Variants in BICDL1 observed in about 807,000 individuals in gnomAD.
BICDL1 encodes the protein BICD family like cargo adaptor 1.
Under a neutral mutation model 76.8 loss-of-function variants are expected in BICDL1, and 20 were observed. That is an observed-to-expected ratio of 0.26 (90% CI 0.18 to 0.38). The LOEUF (loss-of-function observed/expected upper bound fraction) is 0.38. Ranked by LOEUF, BICDL1 falls within the 10% of genes least tolerant of loss-of-function variation. The probability of loss-of-function intolerance (pLI) is 1.00; values close to 1 mark genes in which losing one functional copy is unlikely to be tolerated. For missense variants in BICDL1, 700 were observed against 798.6 expected (o/e 0.88, Z 1.49); for synonymous variants, 383 against 337.1 (o/e 1.14, Z -1.49).
chr12:119,990,864 T>C (rs187904525), intron 1 of BICDL1, among the ~76,000 whole-genome samples: 8 of 152,348 alleles, frequency 5.3e-5, no homozygotes, highest in Admixed American at 5.2e-4. Flanking sequence ...GGGCTCAACA[T>C]GTGACCGCTG....
chr12:120,005,014 G>A (rs138373608), intron 2 of BICDL1, among the ~76,000 whole-genome samples: 1 of 152,112 alleles, frequency 6.6e-6, no homozygotes, highest in Non-Finnish European at 1.5e-5. Context: ...GTAGAAGCGG[G>A]ATTTCACCAT....
chr12:120,060,692 A>G (rs1246674499), intron 2 of BICDL1, among the ~76,000 whole-genome samples: 1 of 152,230 alleles, frequency 6.6e-6, no homozygotes, highest in African/African-American at 2.4e-5. Context: ...CCAGTGAGGT[A>G]ACATTTGTTG....
intron 2 of BICDL1, among the ~76,000 whole-genome samples, chr12:120,056,870 G>A (rs1440228432): frequency 6.6e-6 from 1 of 152,240 alleles, no homozygotes; most frequent in Non-Finnish European, 1.5e-5. Context: ...CAGTGAGTGA[G>A]CAGTCTGTGG....
intron 2 of BICDL1, among the ~76,000 whole-genome samples, chr12:120,002,744 G>A (rs901096049): frequency 6.6e-6 from 1 of 152,218 alleles, no homozygotes; most frequent in African/African-American, 2.4e-5. Flanking sequence ...TATGAAGCTA[G>A]TAGGAGAAGA....
chr12:120,021,110 CT>C (rs1952170286), intron 2 of BICDL1, among the ~76,000 whole-genome samples: 2 of 152,204 alleles, frequency 1.3e-5, no homozygotes, highest in East Asian at 3.9e-4. Context: ...TGGCAAAACC[CT>C]GTCTCTACTA....
intron 2 of BICDL1, among the ~76,000 whole-genome samples, chr12:120,050,955 A>G (rs553229918): frequency 6.6e-6 from 1 of 151,172 alleles, no homozygotes; most frequent in African/African-American, 2.4e-5. Flanking sequence ...TTAAGTTATT[A>G]TTTTGTATTT....
chr12:120,035,039 A>G (rs1952504932), intron 2 of BICDL1, among the ~76,000 whole-genome samples: 1 of 152,190 alleles, frequency 6.6e-6, no homozygotes, highest in Admixed American at 6.5e-5. Flanking sequence ...GCTCCAGAGT[A>G]AGAATAAAAG....
rs1439749073 is a variant in BICDL1 at position 120,094,253 on chromosome 12, C to T, written c.*1092C>T. On this transcript the variant is annotated 3_prime_UTR_variant, in exon 10 of 10. Coordinates refer to ENST00000548673, the MANE Select transcript of BICDL1 (RefSeq NM_001367886.1). ...CGGCCAGCCCTCAGCTGCTCACAAC[C>T]GATTCAGTCTCCCTCCCTCCCTCAC... The T allele has an allele frequency of 4.4e-6, 2 of 456,766 alleles. No homozygotes were observed. The highest frequency in any genetic ancestry group is 6.9e-5 in the East Asian group (1 of 14,396). 28.3% of individuals were successfully genotyped at this position (456,766 alleles called of 1,614,324 possible).
rs756408889 is a variant in BICDL1, at chr12:119,990,179, G to A, written c.311G>A (p.Arg104Gln). ...SQDPELLSVI[R>Q]QKEKDLVLAA... ...GACCCCGAGCTGCTGTCGGTGATCC[G>A]ACAGAAGGAGAAGGATCTGGTGTTG... The change falls in exon 1 of 10, where the codon CGA becomes CAA. Residue 104 changes from arginine to glutamine, a missense_variant. Arg to Gln is a conservative substitution (Grantham distance 43). Transcript: ENST00000548673. 148 of 1,555,216 alleles carry A rather than the reference G, an allele frequency of 9.5e-5. 1 individual carries two copies. In the South Asian group the frequency reaches 1.5e-3, roughly 16 times the overall value.
At chr12:120,092,253 A>G (rs920831944) in intron 9 of BICDL1, 1 of 985,418 alleles carries the variant, frequency 1.0e-6, no homozygotes, top group Non-Finnish European at 1.2e-6. Context: ...TCTGTAAAAC[A>G]TGGTGGGGCG....
chr12:120,002,801 C>T (rs961129985), intron 2 of BICDL1, among the ~76,000 whole-genome samples: 4 of 152,108 alleles, frequency 2.6e-5, no homozygotes, highest in African/African-American at 9.7e-5. Context: ...GCAGTAGGTA[C>T]TATGAAGGGT....
intron 8 of BICDL1, among the ~76,000 whole-genome samples, chr12:120,081,333 A>G (rs1169381669): frequency 1.4e-5 from 2 of 146,080 alleles, no homozygotes; most frequent in Admixed American, 6.8e-5. Context: ...TTGCACTTGT[A>G]TCTTAAAGAG....
rs116895613 is a variant in BICDL1, at chr12:120,005,253, G to A, written c.645+6517G>A. 4.3e-3 allele frequency among the ~76,000 whole-genome samples: 662 copies of A among 152,222 alleles called. 5 individuals carry two copies. The highest frequency in any genetic ancestry group is 6.1e-3 in the Non-Finnish European group (417 of 68,012). ...AAATGTTCAGTGAAAATCTCCCATGGTCCTCTTCCAAAGAAAATACTAGCC... is the reference window on the plus strand; with the variant it reads ...AAATGTTCAGTGAAAATCTCCCATGATCCTCTTCCAAAGAAAATACTAGCC... On this transcript the variant is annotated intron_variant, in intron 2 of 9. Coordinates refer to ENST00000548673, the MANE Select transcript of BICDL1 (RefSeq NM_001367886.1).
At chr12:119,998,207 C>T (rs1438193129) in intron 1 of BICDL1, among the ~76,000 whole-genome samples, 1 of 152,160 alleles carries the variant, frequency 6.6e-6, no homozygotes, top group African/African-American at 2.4e-5. Context: ...ATGTATAGTT[C>T]ACCAATTGAT....
At chr12:120,091,844 ACTT>A in intron 9 of BICDL1, 1 of 985,372 alleles carries the variant, frequency 1.0e-6, no homozygotes, top group South Asian at 4.7e-5. Context: ...AGCCAGCCCA[ACTT>A]CATGCCCTCA....
intron 2 of BICDL1, among the ~76,000 whole-genome samples, chr12:120,046,914 G>A (rs1032574350): frequency 9.2e-5 from 14 of 152,208 alleles, no homozygotes; most frequent in Admixed American, 3.3e-4. Flanking sequence ...GTAACCAGCA[G>A]TAGGGATCTG....
Position 119,989,717 on chromosome 12 carries a change from G to T in BICDL1, c.-152G>T, listed in dbSNP as rs1951470799. 3 of 162,832 alleles carry T rather than the reference G, an allele frequency of 1.8e-5. No homozygotes were observed. Among genetic ancestry groups the T allele is most frequent in the Non-Finnish European group, 3.7e-5 (3 of 81,618 alleles). 10.1% of individuals were successfully genotyped at this position (162,832 alleles called of 1,614,324 possible). A position where few individuals can be genotyped will look rare whatever the true frequency, so the allele number is the denominator to read the frequency against. On this transcript the variant is annotated 5_prime_UTR_variant, in exon 1 of 10. Transcript: ENST00000548673. The stretch of plus-strand genomic sequence containing the variant: ...GCGCGGGGGAGGGGCGGGCCGGCGC[G>T]CGCCGCGCCCAGGGCTCGCGGGGAC...
chr12:120,028,520 C>T (rs1236735224), intron 2 of BICDL1, among the ~76,000 whole-genome samples: 1 of 151,674 alleles, frequency 6.6e-6, no homozygotes, highest in Non-Finnish European at 1.5e-5. Context: ...ACTAAAAGTA[C>T]AAAACATTAG....
At chr12:120,066,061 G>C (rs1594190658) in intron 4 of BICDL1, among the ~76,000 whole-genome samples, 1 of 152,238 alleles carries the variant, frequency 6.6e-6, no homozygotes, top group Non-Finnish European at 1.5e-5. Flanking sequence ...CATTTTTCAA[G>C]GTTGATGATA....
Sources: gnomAD v4.1 joint callset for allele counts (sites outside exome capture counted in the v4.1 genomes callset) on GRCh38, gnomAD v4.1.1 for gene constraint, MANE v1.5 for transcripts, NCBI Gene and HGNC (gene_info 2026-07-23, HGNC 2026-07-21) for gene names.